MALRD1: variants seen among roughly 807,000 people sequenced by gnomAD.
The protein encoded by MALRD1 is MAM and LDL receptor class A domain containing 1.
In MALRD1, 247 loss-of-function variants were observed where a neutral mutation model predicts 242.1. The observed-to-expected ratio is 1.02, with a 90% CI of 0.92 to 1.13. MALRD1 has a LOEUF of 1.13. Among genes scored for constraint, MALRD1 ranks in the 50% most tolerant of loss-of-function variants. MALRD1 has a pLI of 0.00. For missense variants in MALRD1, 2,989 were observed against 2,533.1 expected, an observed-to-expected ratio of 1.18 and a Z score of -3.86; for synonymous variants, 995 against 866.6, an observed-to-expected ratio of 1.15 and a Z score of -2.60.
chr10:19,367,320 C>T (rs1341722858), intron 26 of MALRD1, among the ~76,000 whole-genome samples: 1 of 151,934 alleles, frequency 6.6e-6, no homozygotes, highest in African/African-American at 2.4e-5. Context: ...TACTTCTAGG[C>T]GATCAACTTT....
chr10:19,714,334 A>G (rs935635695), intron 38 of MALRD1, among the ~76,000 whole-genome samples: 4 of 152,114 alleles, frequency 2.6e-5, no homozygotes, highest in African/African-American at 9.7e-5. Flanking sequence ...CTCCCCTCCA[A>G]CCACCCTGGC....
intron 29 of MALRD1, among the ~76,000 whole-genome samples, chr10:19,480,452 A>G (rs1395768894): frequency 6.6e-6 from 1 of 152,212 alleles, no homozygotes; most frequent in African/African-American, 2.4e-5. Flanking sequence ...AGAGAGGAGA[A>G]GGAAGGTTGA....
At chr10:19,164,120 A>C (rs1219788562) in intron 12 of MALRD1, among the ~76,000 whole-genome samples, 2 of 152,220 alleles carry the variant, frequency 1.3e-5, no homozygotes, top group African/African-American at 4.8e-5. Context: ...TTTTGTTTCT[A>C]ACTCACCTGT....
chr10:19,576,128 T>C (rs1836812341), intron 33 of MALRD1, among the ~76,000 whole-genome samples: 1 of 152,234 alleles, frequency 6.6e-6, no homozygotes, highest in African/African-American at 2.4e-5. Context: ...CAAGTGAGGT[T>C]GACAACATTC....
intron 9 of MALRD1, among the ~76,000 whole-genome samples, chr10:19,134,937 T>C (rs572536722): frequency 6.6e-6 from 1 of 151,892 alleles, no homozygotes; most frequent in South Asian, 2.1e-4. Context: ...TTTCTGCATT[T>C]CTGATCTCTT....
chr10:19,730,622 A>C, intron 38 of MALRD1, 84 bp from the exon 39 acceptor site: 2 of 1,335,210 alleles, frequency 1.5e-6, no homozygotes, highest in Non-Finnish European at 1.0e-6. Context: ...TGTCTCTCAA[A>C]AGTTTCTAAC....
chr10:19,166,908 A>C (rs1449190496), intron 13 of MALRD1, among the ~76,000 whole-genome samples: 1 of 152,208 alleles, frequency 6.6e-6, no homozygotes, highest in Non-Finnish European at 1.5e-5. Context: ...TGCTCTGCTC[A>C]TTGGTTGCTA....
At chr10:19,393,470 G>A (rs1490654656) in intron 28 of MALRD1, among the ~76,000 whole-genome samples, 5 of 111,236 alleles carry the variant, frequency 4.5e-5, no homozygotes, top group Non-Finnish European at 8.6e-5. Context: ...TTTTGAGACC[G>A]AGTCTCGCTC....
chr10:19,498,518 T>G lies in MALRD1; in HGVS notation c.5192T>G (p.Phe1731Cys), dbSNP rs1174013160. 1.3e-6 allele frequency: 2 copies of G among 1,550,346 alleles called. No individual in the cohort carries two copies. Among genetic ancestry groups the G allele is most frequent in the Non-Finnish European group, 1.7e-6 (2 of 1,146,818 alleles). Residue 1731 changes from phenylalanine to cysteine, a missense_variant, in exon 31 of 40, where the codon TTT (phenylalanine) becomes TGT (cysteine). Physicochemically the swap from Phe to Cys is radical, Grantham distance 205 (BLOSUM62 -2). Transcript: ENST00000454679. The stretch of plus-strand genomic sequence containing the variant: ...ACAAGCACAACAGGAAGCTGCAATT[T>G]TGAAACAAGTTCAGGAAACTGGACC... ...HYTSTTGSCN[F>C]ETSSGNWTTA...
chr10:19,656,250 T>C (rs1841147899), intron 36 of MALRD1, among the ~76,000 whole-genome samples: 1 of 152,122 alleles, frequency 6.6e-6, no homozygotes, highest in African/African-American at 2.4e-5. Flanking sequence ...CTCCAAGCCA[T>C]TCTTGGATTT....
At position 19,348,032 on chromosome 10, in the gene MALRD1, C is replaced by T. The variant is rs540866965; in HGVS notation, c.4149+14C>T. 15 of 1,546,018 alleles carry T rather than the reference C, an allele frequency of 9.7e-6. No individual in the cohort carries two copies. The highest frequency in any genetic ancestry group is 8.2e-5 in the African/African-American group (6 of 72,882). The stretch of plus-strand genomic sequence containing the variant: ...AAAAACTGCAAGGTATGGGGAAAAT[C>T]GAACCAACCAACCAAACAAACACAG... On this transcript the variant is annotated intron_variant, in intron 25 of 39. Transcript: ENST00000454679.
At chr10:19,671,512 G>A (rs1841917653) in intron 36 of MALRD1, among the ~76,000 whole-genome samples, 1 of 152,046 alleles carries the variant, frequency 6.6e-6, no homozygotes, top group South Asian at 2.1e-4. Context: ...CAGTAGCTCA[G>A]GAGGTTGAGG....
chr10:19,709,930 G>A (rs940434805), intron 38 of MALRD1, among the ~76,000 whole-genome samples: 8 of 152,102 alleles, frequency 5.3e-5, no homozygotes, highest in African/African-American at 7.2e-5. Context: ...AGTATTGTGC[G>A]TCTTGCATCT....
chr10:19,441,483 T>G (rs1322282525), intron 28 of MALRD1, among the ~76,000 whole-genome samples: 1 of 152,226 alleles, frequency 6.6e-6, no homozygotes, highest in East Asian at 1.9e-4. Flanking sequence ...GGTCTAACAT[T>G]TACGTCTTTA....
At chr10:19,212,291 C>T (rs370876655) in intron 18 of MALRD1, among the ~76,000 whole-genome samples, 10 of 152,014 alleles carry the variant, frequency 6.6e-5, no homozygotes, top group African/African-American at 9.7e-5. Flanking sequence ...TGTCACTGGA[C>T]GGTAATTTAT....
intron 29 of MALRD1, among the ~76,000 whole-genome samples, chr10:19,454,182 A>G (rs1425995349): frequency 6.6e-6 from 1 of 152,056 alleles, no homozygotes; most frequent in Non-Finnish European, 1.5e-5. Flanking sequence ...GCAAGTCATG[A>G]AAAACATATG....
At chr10:19,546,537 T>C (rs1835214855) in intron 32 of MALRD1, among the ~76,000 whole-genome samples, 1 of 152,232 alleles carries the variant, frequency 6.6e-6, no homozygotes, top group Admixed American at 6.5e-5. Flanking sequence ...CTGGCTCTTC[T>C]GGAGTCCTTG....
intron 28 of MALRD1, among the ~76,000 whole-genome samples, chr10:19,393,206 A>G (rs1180322844): frequency 2.6e-5 from 4 of 152,016 alleles, no homozygotes; most frequent in East Asian, 1.9e-4. Flanking sequence ...TTAAAATGGC[A>G]TCCTTATTTT....
intron 33 of MALRD1, among the ~76,000 whole-genome samples, chr10:19,583,449 G>A (rs1837231061): frequency 6.6e-6 from 1 of 150,388 alleles, no homozygotes; most frequent in African/African-American, 2.5e-5. Context: ...GTTGAATTTT[G>A]TCAAAGGCCT....
Sources: gnomAD v4.1 joint callset for allele counts (sites outside exome capture counted in the v4.1 genomes callset) on GRCh38, gnomAD v4.1.1 for gene constraint, MANE v1.5 for transcripts, NCBI Gene and HGNC (gene_info 2026-07-23, HGNC 2026-07-21) for gene names.